The following GFRAL variants were observed in gnomAD, a reference collection of about 807,000 sequenced individuals.
GFRAL encodes GDNF family receptor alpha-like.
A neutral mutation model predicts 45.4 loss-of-function variants in GFRAL; 36 were observed. The observed-to-expected ratio is 0.79, with a 90% CI of 0.61 to 1.05. The LOEUF (loss-of-function observed/expected upper bound fraction) is 1.05. GFRAL is among the 50% of genes least tolerant of loss of function. The probability of loss-of-function intolerance (pLI) is 0.00; values close to 1 mark genes in which losing one functional copy is unlikely to be tolerated. For synonymous variants in GFRAL, 166 were observed against 154.1 expected (o/e 1.08, Z -0.57); for missense variants, 507 against 467.5 (o/e 1.08, Z -0.78).
chr6:55,344,350 G>T (rs1201998414), intron 3 of GFRAL, among the ~76,000 whole-genome samples: 1 of 152,110 alleles, frequency 6.6e-6, no homozygotes, highest in African/African-American at 2.4e-5. Context: ...ATGATCAAGT[G>T]GGCTTCATCC....
At chr6:55,395,837 G>C (rs1030393320) in intron 6 of GFRAL, among the ~76,000 whole-genome samples, 1 of 150,910 alleles carries the variant, frequency 6.6e-6, no homozygotes. Flanking sequence ...TAGCTCATTT[G>C]GGGAGAATAT....
intron 6 of GFRAL, among the ~76,000 whole-genome samples, chr6:55,374,745 T>A (rs1173936212): frequency 6.6e-6 from 1 of 152,170 alleles, no homozygotes; most frequent in Non-Finnish European, 1.5e-5. Flanking sequence ...CTTCTAGGAT[T>A]TTCATAGTTT....
At chr6:55,400,010 T>C (rs570835820) in intron 8 of GFRAL, among the ~76,000 whole-genome samples, 9 of 152,148 alleles carry the variant, frequency 5.9e-5, no homozygotes, top group Non-Finnish European at 1.0e-4. Flanking sequence ...ATTGCTGGAA[T>C]GTAGTAATGC....
At chr6:55,356,282 A>G (rs1289541132) in intron 5 of GFRAL, among the ~76,000 whole-genome samples, 2 of 151,876 alleles carry the variant, frequency 1.3e-5, no homozygotes, top group Non-Finnish European at 2.9e-5. Flanking sequence ...AAATATTTTT[A>G]GTAGAATTGG....
chr6:55,397,524 CAAAAAAAAA>C (rs70986715), intron 6 of GFRAL, among the ~76,000 whole-genome samples: 15 of 67,422 alleles, frequency 2.2e-4, no homozygotes, highest in East Asian at 9.5e-4. Flanking sequence ...GACTCCGTCT[CAAAAAAAAA>C]AAAAAAAAAA....
intron 6 of GFRAL, among the ~76,000 whole-genome samples, chr6:55,379,898 G>A (rs530930592): frequency 5.3e-4 from 81 of 152,006 alleles, no homozygotes; most frequent in African/African-American, 1.9e-3. Context: ...GTGAGATCAT[G>A]TGGTATTTGT....
intron 6 of GFRAL, among the ~76,000 whole-genome samples, chr6:55,362,918 A>AGAGTAGGAGAAG (rs987549147): frequency 6.7e-6 from 1 of 149,772 alleles, no homozygotes; most frequent in Non-Finnish European, 1.5e-5. Context: ...ACAGGAAGGA[A>AGAGTAGGAGAAG]GAGTAGGAGA....
intron 6 of GFRAL, among the ~76,000 whole-genome samples, chr6:55,368,897 T>G (rs982021600): frequency 6.6e-6 from 1 of 152,004 alleles, no homozygotes; most frequent in Admixed American, 6.6e-5. Flanking sequence ...GTCTTTTTGT[T>G]TGTCTGTGCC....
chr6:55,356,236 G>T (rs1208183813), intron 5 of GFRAL, among the ~76,000 whole-genome samples: 1 of 151,918 alleles, frequency 6.6e-6, no homozygotes, highest in Non-Finnish European at 1.5e-5. Flanking sequence ...TGGCCTCAAA[G>T]AATGAGTTTG....
intron 6 of GFRAL, among the ~76,000 whole-genome samples, chr6:55,363,298 G>A (rs1395756189): frequency 2.0e-5 from 3 of 151,686 alleles, no homozygotes; most frequent in Admixed American, 2.0e-4. Context: ...ACCCAAACAT[G>A]TCTCCTTTAC....
At chr6:55,374,798 G>C (rs1768501798) in intron 6 of GFRAL, among the ~76,000 whole-genome samples, 1 of 152,056 alleles carries the variant, frequency 6.6e-6, no homozygotes, top group African/African-American at 2.4e-5. Flanking sequence ...GTTAATTTCT[G>C]TATATGGTGT....
intron 3 of GFRAL, among the ~76,000 whole-genome samples, chr6:55,347,804 T>C (rs1011759828): frequency 6.6e-6 from 1 of 152,146 alleles, no homozygotes; most frequent in African/African-American, 2.4e-5. Context: ...TGGGTGATTC[T>C]TCTCAGTCTC....
chr6:55,343,533 T>C (rs1767998578), intron 3 of GFRAL, among the ~76,000 whole-genome samples: 1 of 152,172 alleles, frequency 6.6e-6, no homozygotes, highest in Non-Finnish European at 1.5e-5. Flanking sequence ...AAGCAGTGTG[T>C]AGAGGGAAAT....
At chr6:55,390,094 A>T (rs904829732) in intron 6 of GFRAL, among the ~76,000 whole-genome samples, 1 of 152,218 alleles carries the variant, frequency 6.6e-6, no homozygotes, top group Admixed American at 6.5e-5. Flanking sequence ...ATGTTCTTCA[A>T]CGCTCTCCTG....
At chr6:55,387,929 A>T (rs900245789) in intron 6 of GFRAL, among the ~76,000 whole-genome samples, 1 of 152,224 alleles carries the variant, frequency 6.6e-6, no homozygotes, top group Non-Finnish European at 1.5e-5. Context: ...TGTACAAATC[A>T]TTAGTAAACA....
chr6:55,384,365 T>A (rs1487020304), intron 6 of GFRAL, among the ~76,000 whole-genome samples: 1 of 152,012 alleles, frequency 6.6e-6, no homozygotes, highest in African/African-American at 2.4e-5. Flanking sequence ...TAATTAAAAA[T>A]AAACTATTAC....
intron 3 of GFRAL, among the ~76,000 whole-genome samples, chr6:55,349,630 G>A (rs1418135975): frequency 6.6e-6 from 1 of 151,972 alleles, no homozygotes; most frequent in Non-Finnish European, 1.5e-5. Context: ...TAATTTCTAA[G>A]AACTCTTGGA....
intron 3 of GFRAL, among the ~76,000 whole-genome samples, chr6:55,349,763 GTTTT>G (rs59006121): frequency 7.2e-6 from 1 of 138,740 alleles, no homozygotes; most frequent in Non-Finnish European, 1.6e-5. Flanking sequence ...TATTCCTTCT[GTTTT>G]TTTTTTTTTT....
intron 5 of GFRAL, among the ~76,000 whole-genome samples, chr6:55,357,245 T>C (rs1320116652): frequency 2.6e-5 from 4 of 151,956 alleles, no homozygotes; most frequent in Non-Finnish European, 5.9e-5. Flanking sequence ...TGTTTCTTTG[T>C]TGATTTTCTG....
Sources: allele counts gnomAD v4.1 joint callset (sites outside exome capture counted in the v4.1 genomes callset), GRCh38; gene constraint gnomAD v4.1.1; transcripts MANE v1.5; gene names NCBI Gene and HGNC (gene_info 2026-07-23, HGNC 2026-07-21).